Variants in CYFIP1 observed in about 807,000 individuals in gnomAD.
CYFIP1 encodes cytoplasmic FMR1 interacting protein 1.
Under a neutral mutation model 163.5 loss-of-function variants are expected in CYFIP1, and 58 were observed. That is an observed-to-expected ratio of 0.35 (90% confidence interval 0.29 to 0.44). The LOEUF is 0.44. Among genes scored for constraint, CYFIP1 ranks in the 20% least tolerant of loss-of-function variants. The probability of loss-of-function intolerance (pLI) is 1.00; values close to 1 mark genes in which losing one functional copy is unlikely to be tolerated. For synonymous variants in CYFIP1, 663 were observed against 660.7 expected (o/e 1.00, Z -0.05); for missense variants, 1,338 against 1,653.8 (o/e 0.81, Z 3.31).
chr15:22,878,453 AGCCACTAGAG>A (rs1485641702), intron 26 of CYFIP1, among the ~76,000 whole-genome samples: 2 of 152,136 alleles, frequency 1.3e-5, no homozygotes, highest in Non-Finnish European at 2.9e-5. Context: ...GGAGCCCTTC[AGCCACTAGAG>A]GAGGGACAAA....
intron 6 of CYFIP1, among the ~76,000 whole-genome samples, chr15:22,942,632 A>G (rs1258982694): frequency 2.0e-5 from 3 of 152,070 alleles, no homozygotes; most frequent in Non-Finnish European, 4.4e-5. Flanking sequence ...AGCTCTCTAC[A>G]TCCAGAAAGA....
At chr15:22,884,403 C>CA (rs1206747122) in intron 23 of CYFIP1, among the ~76,000 whole-genome samples, 3 of 152,208 alleles carry the variant, frequency 2.0e-5, no homozygotes, top group African/African-American at 7.2e-5. Context: ...CTCCAGGCCC[C>CA]ATGGAAGCCC....
intron 25 of CYFIP1, 32 bp from the exon 26 acceptor site, chr15:22,880,075 G>A (rs1255871363): frequency 3.7e-6 from 6 of 1,612,038 alleles, no homozygotes; most frequent in Non-Finnish European, 5.1e-6. Context: ...GGGGTTGGGG[G>A]ACTGGAGGGG....
Position 22,917,080 on chromosome 15 carries a change from C to A in CYFIP1, c.1675-450G>T. On this transcript the variant is annotated intron_variant, in intron 15 of 30. Transcript: ENST00000617928. The surrounding 1 kb of genome is among the most constrained non-coding windows in gnomAD (Gnocchi z 4.2). ...AGGCAGGAGAGAGACGTTAGTCACTCGACACACACACCCCAGGCAGGGACA... is the reference window on the plus strand; with the variant it reads ...AGGCAGGAGAGAGACGTTAGTCACTAGACACACACACCCCAGGCAGGGACA... 1 of 1,483,282 alleles carries A rather than the reference C, an allele frequency of 6.7e-7. No individual in the cohort carries two copies. Among genetic ancestry groups the A allele is most frequent in the Non-Finnish European group, 8.9e-7 (1 of 1,119,446 alleles). The allele number at this position is 1,483,282 out of a possible 1,614,324, so 91.9% of individuals were successfully genotyped here.
At position 22,946,302 on chromosome 15, in the gene CYFIP1, CA is replaced by C. The variant is rs113634313; in HGVS notation, c.207+700del. Among the ~76,000 whole-genome samples the C allele has an allele frequency of 5.8e-3, 763 of 131,092 alleles. 3 individuals are homozygous for C. Among genetic ancestry groups the C allele is most frequent in the African/African-American group, 0.017 (609 of 35,736 alleles). The allele number at this position is 131,092 out of a possible 152,430, so 86.0% of individuals were successfully genotyped here. ...CTGGGCAACCTGAGTGAGACCATCTCAAAAAAAAAAAAGAAAGAAAGAAAAC... is the reference window on the plus strand; with the variant it reads ...CTGGGCAACCTGAGTGAGACCATCTCAAAAAAAAAAAGAAAGAAAGAAAAC... On this transcript the variant is annotated intron_variant, in intron 3 of 30. Coordinates refer to ENST00000617928, the MANE Select transcript of CYFIP1 (RefSeq NM_014608.6).
intron 29 of CYFIP1, 122 bp from the exon 30 acceptor site, chr15:22,873,094 C>T: frequency 3.6e-6 from 4 of 1,101,230 alleles, no homozygotes; most frequent in Non-Finnish European, 5.2e-6. Context: ...TACACAGTCA[C>T]CTTCCACAGC....
At chr15:22,873,468 T>A in intron 29 of CYFIP1, 23 bp downstream of exon 29, 1 of 1,597,412 alleles carries the variant, frequency 6.3e-7, no homozygotes, top group African/African-American at 1.3e-5. Flanking sequence ...TGGGGCTTTG[T>A]CCTGCTCTCA....
chr15:22,934,012 G>T, intron 9 of CYFIP1, 119 bp from the exon 10 acceptor site: 1 of 630,600 alleles, frequency 1.6e-6, no homozygotes, highest in South Asian at 2.6e-5. Flanking sequence ...CTCTGCAAAT[G>T]ATTCATTACA....
rs1213251679 is a variant in CYFIP1, at chr15:22,868,817, A to AAAT, written c.*1208_*1210dup. ...AAATTGGTGAAGGTTGCAATACTCC[A>AAAT]AATAATGTAAAATGACTGCCAGGCT... On this transcript the variant is annotated 3_prime_UTR_variant, in exon 31 of 31. Coordinates refer to ENST00000617928, the MANE Select transcript of CYFIP1 (RefSeq NM_014608.6). 3 of 152,114 alleles carry AAAT rather than the reference A, an allele frequency of 2.0e-5. No individual in the cohort carries two copies. Among genetic ancestry groups the AAAT allele is most frequent in the Non-Finnish European group, 2.9e-5 (2 of 68,032 alleles). The allele number at this position is 152,114 out of a possible 1,614,324, so 9.4% of individuals were successfully genotyped here.
chr15:22,937,974 G>A (rs1292051739), intron 8 of CYFIP1, among the ~76,000 whole-genome samples: 2 of 152,134 alleles, frequency 1.3e-5, no homozygotes, highest in African/African-American at 4.8e-5. Context: ...TCATGGCCAG[G>A]GCTCCCACAC....
chr15:22,948,167 G>C (rs1374850984), intron 1 of CYFIP1: 1 of 178,718 alleles, frequency 5.6e-6, no homozygotes, highest in African/African-American at 2.4e-5. Flanking sequence ...GCTGAGGGTG[G>C]AGAAGGGAAG....
intron 1 of CYFIP1, among the ~76,000 whole-genome samples, chr15:22,971,467 G>C (rs144377153): frequency 6.6e-6 from 1 of 152,282 alleles, no homozygotes; most frequent in East Asian, 1.9e-4. Flanking sequence ...GAGGTCAGGA[G>C]TTCCAGACCA....
At chr15:22,926,213 T>C (rs2061352664) in intron 12 of CYFIP1, 106 bp from the exon 13 acceptor site, 10 of 1,521,546 alleles carry the variant, frequency 6.6e-6, no homozygotes, top group African/African-American at 1.4e-5. Flanking sequence ...CTTCAAACCT[T>C]TGCTGCATTC....
chr15:22,912,116 AC>A, intron 18 of CYFIP1, 62 bp downstream of exon 18: 1 of 1,430,118 alleles, frequency 7.0e-7, no homozygotes, highest in African/African-American at 1.4e-5. Flanking sequence ...TTGGGAGAAA[AC>A]AAAAAGAGAA....
chr15:22,896,721 G>A (rs2060248325), intron 22 of CYFIP1, among the ~76,000 whole-genome samples: 1 of 152,132 alleles, frequency 6.6e-6, no homozygotes, highest in African/African-American at 2.4e-5. Context: ...TTGAGCACAT[G>A]CATAGTCGCT....
At chr15:22,902,184 C>T (rs1248221491) in intron 22 of CYFIP1, among the ~76,000 whole-genome samples, 2 of 152,218 alleles carry the variant, frequency 1.3e-5, no homozygotes, top group East Asian at 3.9e-4. Context: ...CCAGGGGCCT[C>T]CTGCCGCCCA....
chr15:22,883,849 C>T (rs182113883), intron 23 of CYFIP1, among the ~76,000 whole-genome samples: 1 of 146,390 alleles, frequency 6.8e-6, no homozygotes, highest in East Asian at 2.0e-4. Flanking sequence ...GCAGGTTTAA[C>T]TGACTCACAG....
chr15:22,926,536 A>G (rs1453646809), intron 12 of CYFIP1, among the ~76,000 whole-genome samples: 2 of 152,176 alleles, frequency 1.3e-5, no homozygotes, highest in Non-Finnish European at 2.9e-5. Context: ...GTAAGTAAAT[A>G]AAGATTTTGC....
At chr15:22,945,903 C>T (rs948288948) in intron 3 of CYFIP1, among the ~76,000 whole-genome samples, 4 of 152,066 alleles carry the variant, frequency 2.6e-5, no homozygotes, top group East Asian at 1.9e-4. Context: ...TTTTATTACA[C>T]GACATAAAAG....
Sources: allele counts gnomAD v4.1 joint callset (sites outside exome capture counted in the v4.1 genomes callset), GRCh38; gene constraint gnomAD v4.1.1; non-coding constraint Gnocchi (gnomAD v3.1); transcripts MANE v1.5; gene names NCBI Gene and HGNC (gene_info 2026-07-23, HGNC 2026-07-21).